The following EIF4E2 variants were observed in gnomAD, a reference collection of about 807,000 sequenced individuals.
The protein encoded by EIF4E2 is eukaryotic translation initiation factor 4E type 2.
In EIF4E2, 13 loss-of-function variants were observed where a neutral mutation model predicts 34.2. The observed-to-expected ratio is 0.38, with a 90% CI of 0.25 to 0.60. The LOEUF is 0.60. Ranked by LOEUF, EIF4E2 falls within the 20% of genes least tolerant of loss-of-function variation. EIF4E2 has a pLI of 0.62. For missense variants in EIF4E2, 222 were observed against 315.1 expected, an observed-to-expected ratio of 0.70 and a Z score of 2.24; for synonymous variants, 100 against 106.6, an observed-to-expected ratio of 0.94 and a Z score of 0.38.
At chr2:232,576,710 C>T (rs7571716) in intron 6 of EIF4E2, among the ~76,000 whole-genome samples, 33,218 of 152,090 alleles carry the variant, frequency 0.22, 4,393 homozygotes, top group East Asian at 0.35. Flanking sequence ...GACTTCATGT[C>T]GCATTTCTAT....
At chr2:232,568,285 G>A in intron 6 of EIF4E2, 1 of 985,404 alleles carries the variant, frequency 1.0e-6, no homozygotes. Context: ...GTGGAGTGGA[G>A]TTGGCTTAAA....
At chr2:232,559,769 C>A (rs1409644948) in intron 3 of EIF4E2, among the ~76,000 whole-genome samples, 1 of 148,142 alleles carries the variant, frequency 6.8e-6, no homozygotes, top group East Asian at 2.0e-4. Context: ...CGTGATGAGA[C>A]CCTGCCTCTA....
chr2:232,553,372 T>C (rs527728951), intron 1 of EIF4E2, among the ~76,000 whole-genome samples: 41 of 152,290 alleles, frequency 2.7e-4, no homozygotes, highest in African/African-American at 9.6e-4. Context: ...CTAAACCACT[T>C]ATTTGGCACT....
chr2:232,561,892 T>C (rs1692738323), intron 3 of EIF4E2, among the ~76,000 whole-genome samples: 1 of 151,684 alleles, frequency 6.6e-6, no homozygotes, highest in African/African-American at 2.4e-5. Context: ...TTGGTTTCAA[T>C]TAGAACTGTC....
intron 6 of EIF4E2, chr2:232,568,718 T>C (rs1433220274): frequency 1.0e-5 from 10 of 985,354 alleles, no homozygotes; most frequent in East Asian, 1.1e-4. Context: ...CAGAAACATA[T>C]GTACACGTCC....
intron 2 of EIF4E2, chr2:232,557,566 C>T (rs1574659923): frequency 3.9e-6 from 1 of 258,060 alleles, no homozygotes; most frequent in East Asian, 9.2e-5. Context: ...AGTAACTTGA[C>T]AGTGATGAAT....
At chr2:232,555,298 ATGAT>A (rs1692482625) in intron 1 of EIF4E2, among the ~76,000 whole-genome samples, 1 of 152,214 alleles carries the variant, frequency 6.6e-6, no homozygotes, top group Non-Finnish European at 1.5e-5. Context: ...GGCGAGAAAG[ATGAT>A]TGGAGAGAAG....
chr2:232,569,541 A>G (rs1467228356), downstream of EIF4E2, among the ~76,000 whole-genome samples: 1 of 152,112 alleles, frequency 6.6e-6, no homozygotes, highest in Admixed American at 6.6e-5. Flanking sequence ...GGAAAGGGGG[A>G]TCCTTGGCCT....
intron 3 of EIF4E2, among the ~76,000 whole-genome samples, chr2:232,559,060 T>A (rs917853366): frequency 6.9e-6 from 1 of 145,508 alleles, no homozygotes; most frequent in Non-Finnish European, 1.5e-5. Context: ...ATTAGTCCTG[T>A]TTAAAATGCA....
chr2:232,575,829 A>G (rs1693198100), intron 6 of EIF4E2, among the ~76,000 whole-genome samples: 1 of 152,182 alleles, frequency 6.6e-6, no homozygotes, highest in African/African-American at 2.4e-5. Context: ...ATACTACCAT[A>G]TTTAGTTATT....
In EIF4E2 at chr2:232,581,574, C is replaced by A; in HGVS notation, c.*631C>A. On this transcript the variant is annotated 3_prime_UTR_variant, in exon 7 of 7. Coordinates refer to the EIF4E2 transcript ENST00000409098. This position sits in a 1 kb window ranked among gnomAD's most constrained non-coding sequence, Gnocchi z 5.2. ...ACTCTCTCCTTCTTAGGCACAGCTG[C>A]ACTTAGAATTGTAATCCAGTGGCTC... is the stretch of plus-strand genomic sequence containing the variant. The A allele has an allele frequency of 5.9e-6, 1 of 170,292 alleles. No homozygotes were observed. The highest frequency in any genetic ancestry group is 1.3e-5 in the Non-Finnish European group (1 of 79,518). 10.5% of individuals were successfully genotyped at this position (170,292 alleles called of 1,614,324 possible). A position where few individuals can be genotyped will look rare whatever the true frequency, so the allele number is the denominator to read the frequency against.
At chr2:232,575,148 T>G (rs539694142) in intron 6 of EIF4E2, among the ~76,000 whole-genome samples, 14 of 124,904 alleles carry the variant, frequency 1.1e-4, no homozygotes, top group Non-Finnish European at 2.2e-4. Context: ...GTTGTAAAAT[T>G]GGAACAGAAC....
chr2:232,560,448 C>T (rs989027564), intron 3 of EIF4E2, among the ~76,000 whole-genome samples: 1 of 152,192 alleles, frequency 6.6e-6, no homozygotes, highest in Non-Finnish European at 1.5e-5. Flanking sequence ...GCAAAGCCTT[C>T]TTAAGTAACA....
intron 6 of EIF4E2, chr2:232,580,757 G>A (rs1161439095): frequency 1.4e-6 from 1 of 692,416 alleles, no homozygotes; most frequent in Non-Finnish European, 2.4e-6. Flanking sequence ...TTGCCGTTTT[G>A]GCATTAGATT....
At chr2:232,582,076 C>G (rs529212888) in exon 7 of EIF4E2, 56 of 152,708 alleles carry the variant, frequency 3.7e-4, no homozygotes, top group African/African-American at 1.3e-3. Context: ...AATGACCAGT[C>G]ACTCATCAGA....
At position 232,581,738 on chromosome 2, in the gene EIF4E2, T is replaced by C. The variant is rs1160740093; in HGVS notation, c.*795T>C. 2.0e-5 allele frequency: 3 copies of C among 153,772 alleles called. No homozygotes were observed. The highest frequency in any genetic ancestry group is 7.2e-5 in the African/African-American group (3 of 41,444). The allele number at this position is 153,772 out of a possible 1,614,324, so 9.5% of individuals were successfully genotyped here. ...AGCTAAGGACTGTGACTGAAATCAT[T>C]TTCCCATATGAGCAGACCCTGTGTG... On this transcript the variant is annotated 3_prime_UTR_variant, in exon 7 of 7. Transcript: ENST00000409098. The surrounding 1 kb of genome is among the most constrained non-coding windows in gnomAD (Gnocchi z 5.2).
In EIF4E2 at chr2:232,580,774, T is replaced by C. The variant is rs1693332749; in HGVS notation, c.666-130T>C. 25 of 796,772 alleles carry C rather than the reference T, an allele frequency of 3.1e-5. No homozygotes were observed. In the South Asian group the frequency reaches 4.6e-4, roughly 15 times the overall value. 49.4% of individuals were successfully genotyped at this position (796,772 alleles called of 1,614,324 possible). A position where few individuals can be genotyped will look rare whatever the true frequency, so the allele number is the denominator to read the frequency against. The stretch of plus-strand genomic sequence containing the variant: ...GCCGTTTTGGCATTAGATTGGCAAG[T>C]GAAGAAGGCCCCGGGATATGTCATG... On this transcript the variant is annotated intron_variant, in intron 6 of 6. Transcript: ENST00000409098.
Position 232,556,520 on chromosome 2 carries a change from G to C in EIF4E2, c.125G>C (p.Ser42Thr). The C allele has an allele frequency of 6.2e-7, 1 of 1,611,076 alleles. No individual in the cohort carries two copies. ...KTERDKNQSSSKRKAVVPGPA... is the reference protein window; with the variant it reads ...KTERDKNQSSTKRKAVVPGPA... ...GAACGAGACAAGAATCAGAGCAGTA[G>C]CAAGAGAAAGGTGAGTGTTGGCTGC... Residue 42 changes from serine to threonine, a missense_variant, in exon 2 of 7, where the codon AGC (serine) becomes ACC (threonine). Ser to Thr is a moderately conservative substitution (Grantham distance 58, BLOSUM62 1). This residue lies in a region of EIF4E2 where 87 missense variants were observed against 93.6 expected (regional missense o/e 0.93). Transcript: ENST00000258416.
At chr2:232,580,958 G>A (rs1300072799) in exon 7 of EIF4E2, 1 of 1,550,060 alleles carries the variant, frequency 6.5e-7, no homozygotes, top group East Asian at 2.4e-5. Context: ...ACACAAGCTG[G>A]CAATAATCCT....
Sources: gnomAD v4.1 joint callset for allele counts (sites outside exome capture counted in the v4.1 genomes callset) on GRCh38, gnomAD v4.1.1 for gene constraint, gnomAD v4.1.1 regional missense constraint, Gnocchi (gnomAD v3.1) non-coding constraint, MANE v1.5 for transcripts, NCBI Gene and HGNC (gene_info 2026-07-23, HGNC 2026-07-21) for gene names.